FHOD3: variants seen among roughly 807,000 people sequenced by gnomAD.
FHOD3 encodes formin homology 2 domain containing 3.
Under a neutral mutation model 173.0 loss-of-function variants are expected in FHOD3, and 90 were observed. The ratio of observed to expected loss-of-function variants is 0.52; its 90% CI spans 0.44 to 0.62. FHOD3 has a LOEUF of 0.62. FHOD3 is among the 20% of genes least tolerant of loss of function. The pLI is 0.00. For missense variants in FHOD3, 1,945 were observed against 2,034.7 expected (o/e 0.96, Z 0.85); for synonymous variants, 828 against 823.0 (o/e 1.01, Z -0.10).
intron 3 of FHOD3, among the ~76,000 whole-genome samples, chr18:36,436,352 T>C (rs2050810297): frequency 1.3e-5 from 2 of 152,198 alleles, no homozygotes; most frequent in Non-Finnish European, 2.9e-5. Flanking sequence ...GGATATTTAT[T>C]GGGATTGCAG....
intron 3 of FHOD3, among the ~76,000 whole-genome samples, chr18:36,374,858 ATTG>A (rs1227148442): frequency 6.7e-6 from 1 of 149,692 alleles, no homozygotes; most frequent in African/African-American, 2.4e-5. Flanking sequence ...TTTTTTATGT[ATTG>A]TTTTCAAAAG....
intron 20 of FHOD3, among the ~76,000 whole-genome samples, chr18:36,733,728 G>A (rs571572583): frequency 2.0e-5 from 3 of 152,182 alleles, no homozygotes; most frequent in Non-Finnish European, 4.4e-5. Context: ...GGGAGTAGCA[G>A]CACAGCACCA....
chr18:36,598,057 T>A (rs1599811961), intron 7 of FHOD3, among the ~76,000 whole-genome samples: 1 of 152,118 alleles, frequency 6.6e-6, no homozygotes, highest in Non-Finnish European at 1.5e-5. Flanking sequence ...ATCTAGTGGG[T>A]TTAGAAGCAG....
At chr18:36,317,176 A>G (rs2044172780) in intron 1 of FHOD3, among the ~76,000 whole-genome samples, 1 of 152,224 alleles carries the variant, frequency 6.6e-6, no homozygotes, top group Non-Finnish European at 1.5e-5. Flanking sequence ...TAGTGCCACA[A>G]TAAACATACA....
intron 1 of FHOD3, among the ~76,000 whole-genome samples, chr18:36,310,400 T>C (rs2092223973): frequency 6.6e-6 from 1 of 151,996 alleles, no homozygotes; most frequent in Admixed American, 6.6e-5. Flanking sequence ...AAATATCAAC[T>C]TGGGGCCGGG....
At chr18:36,611,930 GC>G (rs1568492372) in intron 8 of FHOD3, 21 bp from the exon 9 acceptor site, 1 of 1,609,312 alleles carries the variant, frequency 6.2e-7, no homozygotes, top group South Asian at 1.1e-5. Context: ...TGTCTCTGTA[GC>G]TGGTTCTTCT....
intron 1 of FHOD3, among the ~76,000 whole-genome samples, chr18:36,342,590 T>C (rs1034270307): frequency 5.9e-5 from 9 of 152,168 alleles, no homozygotes; most frequent in African/African-American, 1.9e-4. Context: ...ACTACTAATG[T>C]AGCATTCTTT....
At chr18:36,669,380 A>G (rs1377814110) in intron 14 of FHOD3, among the ~76,000 whole-genome samples, 1 of 151,664 alleles carries the variant, frequency 6.6e-6, no homozygotes, top group Non-Finnish European at 1.5e-5. Flanking sequence ...TTTTTAATCC[A>G]GTCTGATAAT....
intron 5 of FHOD3, among the ~76,000 whole-genome samples, chr18:36,527,496 G>A (rs1052630560): frequency 3.9e-5 from 6 of 152,254 alleles, no homozygotes; most frequent in East Asian, 3.9e-4. Context: ...TTGTATGACC[G>A]GGCAGCAAGA....
chr18:36,512,580 T>A (rs1191312351), intron 5 of FHOD3, 37 bp downstream of exon 5: 1 of 1,450,028 alleles, frequency 6.9e-7, no homozygotes. Context: ...CTGCCCCAGC[T>A]GCAGGGGGGA....
chr18:36,655,385 C>A (rs1487117696), intron 13 of FHOD3, among the ~76,000 whole-genome samples: 1 of 152,016 alleles, frequency 6.6e-6, no homozygotes, highest in Non-Finnish European at 1.5e-5. Flanking sequence ...GGCCCCAGAC[C>A]CTTCCCGTTT....
intron 1 of FHOD3, 113 bp downstream of exon 1, chr18:36,298,113 G>A (rs968846365): frequency 2.1e-6 from 2 of 975,242 alleles, no homozygotes; most frequent in Non-Finnish European, 2.8e-6. Flanking sequence ...GGCGCGGCCC[G>A]GGGGGACCAT....
At chr18:36,767,835 C>CAT (rs1047553968) in intron 27 of FHOD3, among the ~76,000 whole-genome samples, 6 of 151,936 alleles carry the variant, frequency 3.9e-5, no homozygotes, top group African/African-American at 9.7e-5. Flanking sequence ...CACACACACA[C>CAT]ATATATATGA....
chr18:36,758,626 C>T (rs1215642134), intron 25 of FHOD3, among the ~76,000 whole-genome samples: 2 of 152,144 alleles, frequency 1.3e-5, no homozygotes, highest in African/African-American at 2.4e-5. Context: ...AGGGAGGGAT[C>T]CTGCGCTCGG....
intron 3 of FHOD3, among the ~76,000 whole-genome samples, chr18:36,487,761 T>A (rs72891780): frequency 0.062 from 9,419 of 152,254 alleles, 444 homozygotes; most frequent in South Asian, 0.18. Flanking sequence ...ATTTTGCATT[T>A]TTTTGTTTTC....
At chr18:36,301,232 C>G (rs2091950682) in intron 1 of FHOD3, among the ~76,000 whole-genome samples, 2 of 152,218 alleles carry the variant, frequency 1.3e-5, no homozygotes, top group Admixed American at 6.5e-5. Flanking sequence ...ACTGGACAAC[C>G]TGTCAGGCCT....
intron 3 of FHOD3, among the ~76,000 whole-genome samples, chr18:36,381,103 G>A (rs1202447021): frequency 2.2e-4 from 34 of 152,192 alleles, no homozygotes; most frequent in Admixed American, 1.7e-3. Flanking sequence ...TGCCGAGACC[G>A]AGGCAGCCCT....
At chr18:36,604,541 A>G (rs2031841072) in intron 8 of FHOD3, among the ~76,000 whole-genome samples, 1 of 152,156 alleles carries the variant, frequency 6.6e-6, no homozygotes, top group Admixed American at 6.6e-5. Flanking sequence ...CGGGTTAGGT[A>G]CTGATTGGAG....
rs79827745 is a variant in FHOD3 at position 36,513,596 on chromosome 18, T to C, written c.511+1053T>C. Among the ~76,000 whole-genome samples, 20 of 152,266 alleles carry C rather than the reference T, an allele frequency of 1.3e-4. No homozygotes were observed. In the East Asian group the frequency reaches 2.1e-3, roughly 16 times the overall value. ...ATGATTTAATATCAGATGTCTGTGT[T>C]TGGAGTTGAATGAGACAAGCAAACT... On this transcript the variant is annotated intron_variant, in intron 5 of 28. Coordinates refer to ENST00000590592, the MANE Select transcript of FHOD3 (RefSeq NM_001281740.3).
Sources: gnomAD v4.1 joint callset for allele counts (sites outside exome capture counted in the v4.1 genomes callset) on GRCh38, gnomAD v4.1.1 for gene constraint, MANE v1.5 for transcripts, NCBI Gene and HGNC (gene_info 2026-07-23, HGNC 2026-07-21) for gene names.